The following ZNF385D variants were observed in gnomAD, a reference collection of about 807,000 sequenced individuals.
ZNF385D encodes the protein zinc finger protein 385D.
ZNF385D carries 15 observed loss-of-function variants against 35.8 expected under a neutral mutation model. That is an observed-to-expected ratio of 0.42 (90% CI 0.28 to 0.64). ZNF385D has a LOEUF of 0.64. ZNF385D is among the 30% of genes least tolerant of loss of function. The pLI, the probability that ZNF385D is intolerant of heterozygous loss-of-function variation, is 0.23. For synonymous variants in ZNF385D, 212 were observed against 186.8 expected (o/e 1.13, Z -1.10); for missense variants, 474 against 494.6 (o/e 0.96, Z 0.39).
intron 1 of ZNF385D, among the ~76,000 whole-genome samples, chr3:21,744,935 T>A (rs934745567): frequency 1.3e-5 from 2 of 152,150 alleles, no homozygotes; most frequent in Admixed American, 6.5e-5. Context: ...GAGTACTAGC[T>A]TTCATAGGGA....
chr3:22,235,120 T>C (rs908121062), intron 2 of ZNF385D, among the ~76,000 whole-genome samples: 4 of 152,062 alleles, frequency 2.6e-5, no homozygotes, highest in African/African-American at 9.7e-5. Flanking sequence ...AAAATATGTA[T>C]GTGTATGTGT....
intron 2 of ZNF385D, among the ~76,000 whole-genome samples, chr3:21,591,808 T>C (rs1003762028): frequency 1.3e-5 from 2 of 152,184 alleles, no homozygotes; most frequent in African/African-American, 2.4e-5. Flanking sequence ...TTTTTCCAGT[T>C]GTAATTCCTT....
intron 2 of ZNF385D, among the ~76,000 whole-genome samples, chr3:22,339,994 T>G (rs555835155): frequency 2.6e-5 from 4 of 152,314 alleles, no homozygotes; most frequent in African/African-American, 7.2e-5. Flanking sequence ...AATCTGCCCA[T>G]CAGTCATGTA....
intron 3 of ZNF385D, among the ~76,000 whole-genome samples, chr3:21,876,533 T>C (rs1161867410): frequency 6.6e-6 from 1 of 151,902 alleles, no homozygotes. Flanking sequence ...TGTTTTCATT[T>C]AACCCTTCAA....
chr3:21,996,490 T>C (rs756772155), intron 3 of ZNF385D, among the ~76,000 whole-genome samples: 7 of 152,188 alleles, frequency 4.6e-5, no homozygotes, highest in Non-Finnish European at 8.8e-5. Flanking sequence ...GGTCCTTCTT[T>C]GTGGAAGAAA....
At chr3:21,464,606 T>C (rs1016495325) in intron 4 of ZNF385D, among the ~76,000 whole-genome samples, 2 of 152,184 alleles carry the variant, frequency 1.3e-5, no homozygotes, top group Non-Finnish European at 2.9e-5. Context: ...TTGCAGTTTT[T>C]AAACCACAGC....
At chr3:22,091,000 A>T (rs1345567143) in intron 3 of ZNF385D, among the ~76,000 whole-genome samples, 4 of 152,202 alleles carry the variant, frequency 2.6e-5, no homozygotes, top group Non-Finnish European at 5.9e-5. Flanking sequence ...AGACCATGCT[A>T]ATATATACCA....
At chr3:21,979,670 G>C (rs375783546) in intron 3 of ZNF385D, 2 of 152,190 alleles carry the variant, frequency 1.3e-5, no homozygotes, top group East Asian at 1.9e-4. Context: ...CTACTTTTCA[G>C]ATATTGTATC....
intron 3 of ZNF385D, among the ~76,000 whole-genome samples, chr3:21,908,172 A>ATCTACCTATCTATC (rs1559743622): frequency 6.6e-6 from 1 of 150,974 alleles, no homozygotes. Context: ...CTATCTATCT[A>ATCTACCTATCTATC]TATATGTATA....
intron 2 of ZNF385D, among the ~76,000 whole-genome samples, chr3:22,348,601 G>T (rs1364868006): frequency 6.7e-6 from 1 of 149,862 alleles, no homozygotes; most frequent in Non-Finnish European, 1.5e-5. Context: ...GGAGGTGGAA[G>T]TTGCGGTGAG....
intron 1 of ZNF385D, among the ~76,000 whole-genome samples, chr3:21,673,362 C>T (rs1289335898): frequency 6.6e-6 from 1 of 152,168 alleles, no homozygotes; most frequent in African/African-American, 2.4e-5. Flanking sequence ...CACTTCCATT[C>T]TCACAGAAGG....
At chr3:21,441,335 A>C (rs750236517) in intron 4 of ZNF385D, among the ~76,000 whole-genome samples, 1 of 152,152 alleles carries the variant, frequency 6.6e-6, no homozygotes, top group Non-Finnish European at 1.5e-5. Flanking sequence ...CAACATTTGC[A>C]TTATCATCAT....
At chr3:22,162,250 A>G (rs78411424) in intron 3 of ZNF385D, among the ~76,000 whole-genome samples, 2,167 of 152,272 alleles carry the variant, frequency 0.014, 58 homozygotes, top group African/African-American at 0.049. Flanking sequence ...CCCAAAATAT[A>G]TTTCTTTGGC....
intron 2 of ZNF385D, among the ~76,000 whole-genome samples, chr3:21,591,698 T>C (rs1278633395): frequency 1.3e-5 from 2 of 152,176 alleles, no homozygotes; most frequent in African/African-American, 2.4e-5. Context: ...ACTCCGCTTC[T>C]GAAGTCCTAA....
intron 3 of ZNF385D, among the ~76,000 whole-genome samples, chr3:21,526,575 A>G (rs1431229275): frequency 3.9e-5 from 6 of 152,174 alleles, no homozygotes; most frequent in African/African-American, 4.8e-5. Flanking sequence ...ATCTAGTGTC[A>G]TGGAAGCAAG....
At chr3:21,861,884 T>C (rs1697073124) in intron 3 of ZNF385D, among the ~76,000 whole-genome samples, 1 of 152,030 alleles carries the variant, frequency 6.6e-6, no homozygotes, top group Non-Finnish European at 1.5e-5. Context: ...TCACAACCAG[T>C]GAGACATGAA....
At chr3:21,454,295 A>T (rs771568925) in intron 4 of ZNF385D, among the ~76,000 whole-genome samples, 1 of 140,192 alleles carries the variant, frequency 7.1e-6, no homozygotes, top group Non-Finnish European at 1.6e-5. Flanking sequence ...CATTGTGAAT[A>T]TAGTAAAGGC....
At position 21,933,734 on chromosome 3, in the gene ZNF385D, T is replaced by C. The variant is rs187981295; in HGVS notation, c.325+235083A>G. Among the ~76,000 whole-genome samples, 154 of 152,340 alleles carry C rather than the reference T, an allele frequency of 1.0e-3. 1 individual carries two copies. The Middle Eastern group carries it at 0.031, about 30-fold the overall frequency. On this transcript the variant is annotated intron_variant, in intron 3 of 5. Transcript: ENST00000494108. Reference sequence around the variant, plus strand: ...GAGTCTTCATATAAATTAAATCTTATTGAGAAAGTCAAATTGTTTCAACTC... The same window carrying C: ...GAGTCTTCATATAAATTAAATCTTACTGAGAAAGTCAAATTGTTTCAACTC...
chr3:21,956,969 C>T (rs945034858), intron 3 of ZNF385D, among the ~76,000 whole-genome samples: 7 of 151,888 alleles, frequency 4.6e-5, no homozygotes, highest in South Asian at 2.1e-4. Context: ...CCCAGAATTC[C>T]GACGTGTTGT....
Sources: gnomAD v4.1 joint callset for allele counts (sites outside exome capture counted in the v4.1 genomes callset) on GRCh38, gnomAD v4.1.1 for gene constraint, MANE v1.5 for transcripts, NCBI Gene and HGNC (gene_info 2026-07-23, HGNC 2026-07-21) for gene names.